The following DNER variants were observed in gnomAD, a reference collection of about 807,000 sequenced individuals.
DNER encodes delta and Notch-like epidermal growth factor-related receptor.
In DNER, 33 loss-of-function variants were observed where a neutral mutation model predicts 78.2. The ratio of observed to expected loss-of-function variants is 0.42; its 90% confidence interval spans 0.32 to 0.56. The LOEUF is 0.56. DNER is among the 20% of genes least tolerant of loss of function. The pLI is 0.11. For synonymous variants in DNER, 417 were observed against 384.8 expected (o/e 1.08, Z -0.98); for missense variants, 918 against 975.3 (o/e 0.94, Z 0.78).
chr2:229,565,396 A>G (rs772770595), intron 4 of DNER, among the ~76,000 whole-genome samples: 2 of 152,218 alleles, frequency 1.3e-5, no homozygotes, highest in Admixed American at 1.3e-4. Flanking sequence ...GATTTTTACT[A>G]TCTGCCTTTT....
At chr2:229,453,835 G>A (rs1480142614) in intron 7 of DNER, among the ~76,000 whole-genome samples, 1 of 150,668 alleles carries the variant, frequency 6.6e-6, no homozygotes, top group African/African-American at 2.4e-5. Flanking sequence ...GGACAGACAG[G>A]CAGACAGACG....
At chr2:229,587,080 A>G (rs764410) in intron 3 of DNER, 773,053 of 808,694 alleles carry the variant, frequency 0.96, 370,053 homozygotes, top group East Asian at 0.98. Context: ...TGTTGAGAGG[A>G]AAAAAACAAA....
chr2:229,608,587 G>GA (rs1259116755), intron 1 of DNER, among the ~76,000 whole-genome samples: 2 of 152,158 alleles, frequency 1.3e-5, no homozygotes, highest in African/African-American at 2.4e-5. Context: ...TAGTGAGTGG[G>GA]AAAAAAGCAA....
chr2:229,436,366 T>C (rs1254955382), intron 8 of DNER, among the ~76,000 whole-genome samples: 2 of 152,226 alleles, frequency 1.3e-5, no homozygotes, highest in South Asian at 2.1e-4. Flanking sequence ...GGCATTTAGG[T>C]TGATTCCGTG....
chr2:229,543,700 C>T (rs1267811088), intron 5 of DNER, among the ~76,000 whole-genome samples: 2 of 152,174 alleles, frequency 1.3e-5, no homozygotes, highest in Admixed American at 6.5e-5. Context: ...TCCTCCACCC[C>T]CTGCCAGTGG....
chr2:229,427,806 G>T (rs938385360), intron 8 of DNER, among the ~76,000 whole-genome samples: 1 of 152,216 alleles, frequency 6.6e-6, no homozygotes, highest in South Asian at 2.1e-4. Context: ...GCTGGGCATG[G>T]TGGCTCACGC....
intron 1 of DNER, among the ~76,000 whole-genome samples, chr2:229,655,436 T>C (rs1698896829): frequency 6.6e-6 from 1 of 151,980 alleles, no homozygotes; most frequent in Non-Finnish European, 1.5e-5. Flanking sequence ...ACCATCAGAC[T>C]CAGGAAAAGA....
In DNER at chr2:229,714,129, G is replaced by A; in HGVS notation, c.276+19C>T. 1 of 1,291,902 alleles carries A rather than the reference G, an allele frequency of 7.7e-7. No homozygotes were observed. The allele number at this position is 1,291,902 out of a possible 1,614,324, so 80.0% of individuals were successfully genotyped here. On this transcript the variant is annotated intron_variant, in intron 1 of 12. Transcript: ENST00000341772. ...GTCCCGGACCAGCGCCCCGCACCGC[G>A]CCCGCCGCTTCCACTCACCTGGCAG...
chr2:229,475,825 C>T (rs1695023408), intron 7 of DNER, among the ~76,000 whole-genome samples: 3 of 152,128 alleles, frequency 2.0e-5, no homozygotes, highest in Non-Finnish European at 4.4e-5. Flanking sequence ...CACAAAAATT[C>T]CATTTGGTCC....
chr2:229,513,707 C>A (rs1190072582), intron 5 of DNER, among the ~76,000 whole-genome samples: 1 of 152,124 alleles, frequency 6.6e-6, no homozygotes, highest in Non-Finnish European at 1.5e-5. Context: ...TAGATCATTA[C>A]AGAAGATTTT....
intron 1 of DNER, among the ~76,000 whole-genome samples, chr2:229,684,188 G>C (rs1287498217): frequency 4.7e-5 from 7 of 150,440 alleles, no homozygotes; most frequent in Non-Finnish European, 1.0e-4. Flanking sequence ...GTGTGTGTGT[G>C]TGTGTGTGTG....
rs986925975 is a variant in DNER, at chr2:229,464,454, C to T, written c.1261+12686G>A. ...ATCAGAAGAATGTTAAATCAACTCTCCCTTAATTTGGAATACATAGAAGGG... is the reference window on the plus strand; with the variant it reads ...ATCAGAAGAATGTTAAATCAACTCTTCCTTAATTTGGAATACATAGAAGGG... On this transcript the variant is annotated intron_variant, in intron 7 of 12. Coordinates refer to ENST00000341772, the MANE Select transcript of DNER (RefSeq NM_139072.4). Among the ~76,000 whole-genome samples the T allele has an allele frequency of 7.9e-5, 12 of 152,010 alleles. 1 individual carries two copies. The highest frequency in any genetic ancestry group is 5.9e-4 in the Admixed American group (9 of 15,256).
intron 1 of DNER, among the ~76,000 whole-genome samples, chr2:229,654,931 T>A (rs1374157674): frequency 6.6e-6 from 1 of 152,108 alleles, no homozygotes; most frequent in Non-Finnish European, 1.5e-5. Context: ...TCTTAAACTC[T>A]ACAAGAAAAA....
At chr2:229,373,804 T>C (rs1002780598) in intron 11 of DNER, among the ~76,000 whole-genome samples, 7 of 152,150 alleles carry the variant, frequency 4.6e-5, no homozygotes, top group Non-Finnish European at 1.0e-4. Flanking sequence ...ATGGATGCAG[T>C]TGAAGGCCAT....
chr2:229,563,781 TCAA>T (rs1157449218), intron 4 of DNER, among the ~76,000 whole-genome samples: 17 of 140,818 alleles, frequency 1.2e-4, no homozygotes, highest in African/African-American at 2.9e-4. Context: ...TCCATCATCA[TCAA>T]CATCATCACC....
At position 229,385,076 on chromosome 2, in the gene DNER, TG is replaced by T. The variant is rs1160747576; in HGVS notation, c.1855+3188del. Among the ~76,000 whole-genome samples the T allele has an allele frequency of 2.7e-5, 4 of 147,876 alleles. No individual in the cohort carries two copies. In the East Asian group the frequency reaches 8.0e-4, roughly 29 times the overall value. On this transcript the variant is annotated intron_variant, in intron 11 of 12. Coordinates refer to ENST00000341772, the MANE Select transcript of DNER (RefSeq NM_139072.4). ...GCTTATCCACCACTGTACTCCAGTC[TG>T]GGCAACAGAGCGAGACTCCATCTAA... is the stretch of plus-strand genomic sequence containing the variant.
chr2:229,635,212 G>A (rs6750904), intron 1 of DNER, among the ~76,000 whole-genome samples: 147,850 of 152,068 alleles, frequency 0.97, 71,931 homozygotes, highest in Middle Eastern at 0.99. Context: ...AACTCCTTCT[G>A]TCTCCTCGGC....
At chr2:229,572,191 T>C (rs1318620806) in intron 4 of DNER, among the ~76,000 whole-genome samples, 2 of 152,182 alleles carry the variant, frequency 1.3e-5, no homozygotes, top group Non-Finnish European at 2.9e-5. Context: ...TTCCCTCTCA[T>C]ACCTGCTCTT....
At chr2:229,419,653 T>C (rs1359326083) in intron 8 of DNER, among the ~76,000 whole-genome samples, 12 of 152,178 alleles carry the variant, frequency 7.9e-5, no homozygotes. Context: ...TTTCCAAATT[T>C]AGGTTGTGAT....
Sources: allele counts gnomAD v4.1 joint callset (sites outside exome capture counted in the v4.1 genomes callset), GRCh38; gene constraint gnomAD v4.1.1; transcripts MANE v1.5; gene names NCBI Gene and HGNC (gene_info 2026-07-23, HGNC 2026-07-21).